Variants in WDR74 observed in about 807,000 individuals in gnomAD.
The protein encoded by WDR74 is WD repeat domain 74.
In WDR74, 31 loss-of-function variants were observed where a neutral mutation model predicts 45.6. That is an observed-to-expected ratio of 0.68 (90% CI 0.51 to 0.92). WDR74 has a LOEUF of 0.92. WDR74 is among the 40% of genes least tolerant of loss of function. The pLI, the probability that WDR74 is intolerant of heterozygous loss-of-function variation, is 0.00. For missense variants in WDR74, 455 were observed against 497.2 expected, an observed-to-expected ratio of 0.92 and a Z score of 0.81; for synonymous variants, 191 against 192.4, an observed-to-expected ratio of 0.99 and a Z score of 0.06.
At chr11:62,836,665 G>A (rs11231243) in intron 3 of WDR74, 12,996 of 154,988 alleles carry the variant, frequency 0.084, 679 homozygotes, top group East Asian at 0.15. Flanking sequence ...AGCTGGGTTC[G>A]GGCTCTGTAT....
rs374910485 is a variant in WDR74, at chr11:62,839,584, G to A, written c.-14C>T. On this transcript the variant is annotated 5_prime_UTR_variant, in exon 1 of 11. Coordinates refer to ENST00000278856, the MANE Select transcript of WDR74 (RefSeq NM_001369450.1). ...AGCAGCCGCCATGACAAAGCCTGGA[G>A]GCAGACAGTTCACACTTCCGGCGCA... The A allele has an allele frequency of 3.7e-6, 6 of 1,602,140 alleles. No homozygotes were observed. The African/African-American group carries it at 5.4e-5, about 14-fold the overall frequency.
At chr11:62,841,316 CAAA>C (rs199902916), upstream of WDR74, among the ~76,000 whole-genome samples, 1 of 151,402 alleles carries the variant, frequency 6.6e-6, no homozygotes, top group Non-Finnish European at 1.5e-5. Context: ...GACGACGTCT[CAAA>C]AAAAATAAAT....
chr11:62,833,940 A>G lies in WDR74; in HGVS notation c.776-3T>C, dbSNP rs1235825503. 1.9e-6 allele frequency: 3 copies of G among 1,613,052 alleles called. No homozygotes were observed. The highest frequency in any genetic ancestry group is 1.3e-5 in the African/African-American group (1 of 75,018). On this transcript the variant is annotated splice_polypyrimidine_tract_variant and splice_region_variant and intron_variant, in intron 8 of 10. Coordinates refer to ENST00000278856, the MANE Select transcript of WDR74 (RefSeq NM_001369450.1). ...CTTCAGACAGCCCAGTAGACGCCCT[A>G]GAGAAGGGGGGAAGCATCCGTGATA...
At chr11:62,833,733 G>C in intron 9 of WDR74, 59 bp from the exon 10 acceptor site, 3 of 1,596,858 alleles carry the variant, frequency 1.9e-6, no homozygotes, top group Non-Finnish European at 1.7e-6. Flanking sequence ...CATGAACGGA[G>C]GGCACAGGAG....
intron 6 of WDR74, 65 bp from the exon 7 acceptor site, chr11:62,834,592 A>G (rs2084931779): frequency 1.4e-6 from 2 of 1,394,856 alleles, no homozygotes; most frequent in Non-Finnish European, 2.0e-6. Context: ...GCGTCTCTGC[A>G]TCCTCACCCC....
rs763246939 is a variant in WDR74, at chr11:62,836,035, T to C, written c.295A>G (p.Thr99Ala). 1.5e-5 allele frequency: 24 copies of C among 1,585,692 alleles called. No homozygotes were observed. The highest frequency in any genetic ancestry group is 1.7e-5 in the Non-Finnish European group (20 of 1,165,582). The change falls in exon 4 of 11, where the codon ACC (threonine) becomes GCC (alanine). Residue 99 changes from threonine to alanine, a missense_variant and splice_region_variant. Thr to Ala is a moderately conservative substitution (Grantham distance 58). Transcript: ENST00000278856. Reference sequence around the variant, plus strand: ...CCAGAATCCACACATGTGATGAGGGTGCTGCAGAGAAAGGATAGAGTTGGG... The same window carrying C: ...CCAGAATCCACACATGTGATGAGGGCGCTGCAGAGAAAGGATAGAGTTGGG... ...MFRGLAQADG[T>A]LITCVDSGIL... is the part of the protein sequence containing the mutation.
In WDR74 at chr11:62,839,372, G is replaced by T; in HGVS notation, c.121C>A (p.Arg41Ser). Residue 41 changes from arginine to serine, a missense_variant, in exon 2 of 11, where the codon CGC becomes AGC. Coordinates refer to ENST00000278856, the MANE Select transcript of WDR74 (RefSeq NM_001369450.1). ...CACAGGGCGCTCACTGCCTCCTCGCGCCGCGGCTGTCCTCCGGCCGTGAAG... is the reference window on the plus strand; with the variant it reads ...CACAGGGCGCTCACTGCCTCCTCGCTCCGCGGCTGTCCTCCGGCCGTGAAG... ...ANFTAGGQPR[R>S]EEAVSALCWG... The T allele has an allele frequency of 1.9e-6, 3 of 1,612,216 alleles. No individual in the cohort carries two copies. The highest frequency in any genetic ancestry group is 1.7e-6 in the Non-Finnish European group (2 of 1,179,798).
At chr11:62,836,175 A>C in intron 3 of WDR74, 139 bp from the exon 4 acceptor site, 3 of 844,910 alleles carry the variant, frequency 3.6e-6, no homozygotes, top group Admixed American at 2.3e-5. Context: ...CCCCAAACTC[A>C]TATCAACCAG....
At chr11:62,841,362 T>G (rs960520295), upstream of WDR74, among the ~76,000 whole-genome samples, 1 of 151,574 alleles carries the variant, frequency 6.6e-6, no homozygotes, top group Non-Finnish European at 1.5e-5. Flanking sequence ...TAGCCGGGGG[T>G]GGTGGCAAGC....
chr11:62,841,323 A>T (rs945731350), upstream of WDR74, among the ~76,000 whole-genome samples: 1 of 152,142 alleles, frequency 6.6e-6, no homozygotes, highest in Non-Finnish European at 1.5e-5. Flanking sequence ...TCTCAAAAAA[A>T]ATAAATAAGA....
chr11:62,841,415 T>A (rs576829714), upstream of WDR74, among the ~76,000 whole-genome samples: 2 of 151,142 alleles, frequency 1.3e-5, no homozygotes, highest in East Asian at 3.9e-4. Flanking sequence ...GTATGAAGAT[T>A]GCTGAAGACC....
chr11:62,834,390 G>GCGCCCC, intron 7 of WDR74, 37 bp downstream of exon 7: 6 of 1,584,188 alleles, frequency 3.8e-6, no homozygotes, highest in Non-Finnish European at 5.2e-6. Flanking sequence ...CCCTTCTCAA[G>GCGCCCC]CCCCACCCTC....
At chr11:62,841,383 T>A (rs1379427955), upstream of WDR74, among the ~76,000 whole-genome samples, 3 of 152,054 alleles carry the variant, frequency 2.0e-5, no homozygotes, top group Middle Eastern at 3.4e-3. Flanking sequence ...GCTCAATAGT[T>A]CCAACTACCC....
Position 62,833,957 on chromosome 11 carries a change from TC to T in WDR74, c.776-21del. ...GACGCCCTAGAGAAGGGGGGAAGCA[TC>T]CGTGATAACTGGCTGGCCAATAACC... On this transcript the variant is annotated intron_variant, in intron 8 of 10. Transcript: ENST00000278856. The T allele has an allele frequency of 6.2e-7, 1 of 1,610,376 alleles. No individual in the cohort carries two copies. Among genetic ancestry groups the T allele is most frequent in the Non-Finnish European group, 8.5e-7 (1 of 1,177,850 alleles).
Position 62,833,782 on chromosome 11 carries a change from G to C in WDR74, c.921+10C>G. The C allele has an allele frequency of 6.2e-7, 1 of 1,612,762 alleles. No homozygotes were observed. The highest frequency in any genetic ancestry group is 8.5e-7 in the Non-Finnish European group (1 of 1,179,302). On this transcript the variant is annotated intron_variant, in intron 9 of 10. Coordinates refer to ENST00000278856, the MANE Select transcript of WDR74 (RefSeq NM_001369450.1). ...AAGACCATGAGTTGGAGGTGGGAGA[G>C]ACAACTTACCTTATGCTCCAGACCC...
chr11:62,841,610 T>TCC (rs1408139485), upstream of WDR74: 2 of 152,170 alleles, frequency 1.3e-5, no homozygotes, highest in Admixed American at 1.3e-4. Context: ...GGTTGTTCTC[T>TCC]CCCCGAAGGG....
Position 62,833,086 on chromosome 11 carries a change from C to T in WDR74, c.1024G>A (p.Asp342Asn), listed in dbSNP as rs767446563. ...GCCCAAAGTTCATCTGTCTCTGTGT[C>T]TTCTAGGGGCACCTTGTTGGGTTCT... ...PQEPNKVPLE[D>N]TETDELWASL... is the part of the protein sequence containing the mutation. Residue 342 changes from aspartate (D) to asparagine (N), a missense_variant, in exon 11 of 11, where the codon GAC becomes AAC. Physicochemically the swap from Asp to Asn is conservative, Grantham distance 23. Transcript: ENST00000278856. 30 of 1,612,528 alleles carry T rather than the reference C, an allele frequency of 1.9e-5. No individual in the cohort carries two copies. Among genetic ancestry groups the T allele is most frequent in the Admixed American group, 3.3e-5 (2 of 59,714 alleles).
chr11:62,833,773 G>A lies in WDR74; in HGVS notation c.921+19C>T, dbSNP rs778569716. On this transcript the variant is annotated intron_variant, in intron 9 of 10. Transcript: ENST00000278856. ...GGCCTCCACAAGACCATGAGTTGGAGGTGGGAGAGACAACTTACCTTATGC... is the reference window on the plus strand; with the variant it reads ...GGCCTCCACAAGACCATGAGTTGGAAGTGGGAGAGACAACTTACCTTATGC... The A allele has an allele frequency of 5.6e-6, 9 of 1,612,054 alleles. No homozygotes were observed. Among genetic ancestry groups the A allele is most frequent in the Admixed American group, 3.4e-5 (2 of 59,584 alleles).
upstream of WDR74, chr11:62,841,660 A>G (rs532857330): frequency 2.6e-5 from 4 of 152,246 alleles, no homozygotes; most frequent in South Asian, 4.1e-4. Context: ...TACCAGGTCG[A>G]TGCGTGGAGT....
Sources: allele counts gnomAD v4.1 joint callset (sites outside exome capture counted in the v4.1 genomes callset), GRCh38; gene constraint gnomAD v4.1.1; transcripts MANE v1.5; gene names NCBI Gene and HGNC (gene_info 2026-07-23, HGNC 2026-07-21).